The following DMRT1 variants were observed in gnomAD, a reference collection of about 807,000 sequenced individuals.
DMRT1 encodes the protein doublesex- and mab-3-related transcription factor 1.
A neutral mutation model predicts 32.3 loss-of-function variants in DMRT1; 7 were observed. The ratio of observed to expected loss-of-function variants is 0.22; its 90% CI spans 0.12 to 0.41. DMRT1 has a LOEUF of 0.41. Among genes scored for constraint, DMRT1 ranks in the 10% least tolerant of loss-of-function variants. DMRT1 has a pLI of 1.00. For synonymous variants in DMRT1, 278 were observed against 206.1 expected (o/e 1.35, Z -2.99); for missense variants, 625 against 500.5 (o/e 1.25, Z -2.37).
chr9:851,858 GT>G (rs1815152107), intron 2 of DMRT1, among the ~76,000 whole-genome samples: 1 of 151,958 alleles, frequency 6.6e-6, no homozygotes, highest in South Asian at 2.1e-4. Context: ...GGATATTACT[GT>G]GGAAAGAAAT....
chr9:853,513 C>T (rs1815254842), intron 2 of DMRT1, among the ~76,000 whole-genome samples: 1 of 147,842 alleles, frequency 6.8e-6, no homozygotes, highest in African/African-American at 2.5e-5. Context: ...GATCTTGTCT[C>T]CCAGGCTGGG....
At chr9:913,264 G>C (rs1055631767) in intron 3 of DMRT1, among the ~76,000 whole-genome samples, 2 of 152,166 alleles carry the variant, frequency 1.3e-5, no homozygotes, top group Non-Finnish European at 2.9e-5. Context: ...ACCTGAAGTA[G>C]ATGTGACAAA....
In DMRT1 at chr9:968,389, C is replaced by G; in HGVS notation, c.*250C>G. Reference sequence around the variant, plus strand: ...AATAGTGTTCATTTTTTTAATGACACTGGTTTCATGTAGTTTTCAAGAAAT... The same window carrying G: ...AATAGTGTTCATTTTTTTAATGACAGTGGTTTCATGTAGTTTTCAAGAAAT... On this transcript the variant is annotated 3_prime_UTR_variant, in exon 5 of 5. Coordinates refer to ENST00000382276, the MANE Select transcript of DMRT1 (RefSeq NM_021951.3). 3 of 468,020 alleles carry G rather than the reference C, an allele frequency of 6.4e-6. No homozygotes were observed. In the South Asian group the frequency reaches 7.2e-5, roughly 11 times the overall value. 29.0% of individuals were successfully genotyped at this position (468,020 alleles called of 1,614,324 possible). A position where few individuals can be genotyped will look rare whatever the true frequency, so the allele number is the denominator to read the frequency against.
chr9:931,746 T>C (rs1284277062), intron 4 of DMRT1, among the ~76,000 whole-genome samples: 1 of 152,212 alleles, frequency 6.6e-6, no homozygotes, highest in Non-Finnish European at 1.5e-5. Context: ...TTAGAGAGTA[T>C]GACCTCATTT....
intron 3 of DMRT1, among the ~76,000 whole-genome samples, chr9:905,348 C>T (rs1478123191): frequency 1.3e-5 from 2 of 152,166 alleles, no homozygotes; most frequent in Non-Finnish European, 2.9e-5. Flanking sequence ...CTTCTCACAA[C>T]ATTCTTTCTG....
intron 2 of DMRT1, among the ~76,000 whole-genome samples, chr9:852,162 C>G (rs1423661777): frequency 2.6e-5 from 4 of 152,006 alleles, no homozygotes; most frequent in East Asian, 1.9e-4. Context: ...GTCTTGAACT[C>G]TTGACCTCAA....
At chr9:879,052 C>T (rs906548063) in intron 2 of DMRT1, among the ~76,000 whole-genome samples, 1 of 152,142 alleles carries the variant, frequency 6.6e-6, no homozygotes, top group African/African-American at 2.4e-5. Context: ...CCAGAGCTGC[C>T]TGGTTAGGAC....
At chr9:914,955 A>C (rs535038042) in intron 3 of DMRT1, among the ~76,000 whole-genome samples, 3 of 152,332 alleles carry the variant, frequency 2.0e-5, no homozygotes, top group Admixed American at 2.0e-4. Context: ...TGTTCATAGA[A>C]AATCTTGAGG....
At chr9:927,659 G>T (rs920458001) in intron 4 of DMRT1, among the ~76,000 whole-genome samples, 1 of 152,174 alleles carries the variant, frequency 6.6e-6, no homozygotes, top group African/African-American at 2.4e-5. Flanking sequence ...TATACACGGG[G>T]TATACAATAG....
chr9:911,688 C>A (rs1817994229), intron 3 of DMRT1, among the ~76,000 whole-genome samples: 1 of 151,908 alleles, frequency 6.6e-6, no homozygotes, highest in Non-Finnish European at 1.5e-5. Flanking sequence ...GACGGAGATT[C>A]ACCATGTTGG....
intron 2 of DMRT1, among the ~76,000 whole-genome samples, chr9:880,202 C>T (rs1365941314): frequency 1.3e-5 from 2 of 152,084 alleles, no homozygotes; most frequent in Non-Finnish European, 2.9e-5. Flanking sequence ...TGTAGCTCTT[C>T]AACAGTTGCA....
chr9:891,429 C>T (rs1035813401), intron 2 of DMRT1, among the ~76,000 whole-genome samples: 3 of 147,828 alleles, frequency 2.0e-5, no homozygotes, highest in East Asian at 2.0e-4. Flanking sequence ...CCAGCCTGGG[C>T]GACAGAGTGA....
chr9:859,147 C>A (rs1815541134), intron 2 of DMRT1, among the ~76,000 whole-genome samples: 3 of 152,190 alleles, frequency 2.0e-5, no homozygotes, highest in African/African-American at 7.2e-5. Flanking sequence ...TACGATGATT[C>A]CTTTGATCTC....
At chr9:940,293 C>T (rs912986200) in intron 4 of DMRT1, among the ~76,000 whole-genome samples, 2 of 152,072 alleles carry the variant, frequency 1.3e-5, no homozygotes, top group Admixed American at 1.3e-4. Flanking sequence ...TTCACAGTAG[C>T]CAAAGGGTGG....
intron 2 of DMRT1, among the ~76,000 whole-genome samples, chr9:855,972 A>G (rs1272976494): frequency 6.6e-6 from 1 of 151,826 alleles, no homozygotes; most frequent in Non-Finnish European, 1.5e-5. Context: ...GCTGGAGTGC[A>G]ATGGCATGAT....
At chr9:862,369 C>T (rs879025306) in intron 2 of DMRT1, among the ~76,000 whole-genome samples, 3 of 151,978 alleles carry the variant, frequency 2.0e-5, no homozygotes, top group African/African-American at 7.2e-5. Flanking sequence ...GGTGTGGCGG[C>T]GCGCGCCTGC....
intron 2 of DMRT1, among the ~76,000 whole-genome samples, chr9:877,369 C>T (rs551527639): frequency 2.0e-5 from 3 of 152,188 alleles, no homozygotes; most frequent in South Asian, 2.1e-4. Context: ...CTGAAGGAGG[C>T]GATGGTAGAG....
At chr9:945,445 C>T (rs1024869822) in intron 4 of DMRT1, among the ~76,000 whole-genome samples, 6 of 152,158 alleles carry the variant, frequency 3.9e-5, no homozygotes, top group South Asian at 2.1e-4. Flanking sequence ...CATGAGCCAC[C>T]GTATCTGGCC....
intron 2 of DMRT1, among the ~76,000 whole-genome samples, chr9:855,826 C>T (rs1815375879): frequency 6.6e-6 from 1 of 152,138 alleles, no homozygotes; most frequent in African/African-American, 2.4e-5. Context: ...GCTGTGTTGC[C>T]TAGGCTGGTC....
Sources: gnomAD v4.1 joint callset for allele counts (sites outside exome capture counted in the v4.1 genomes callset) on GRCh38, gnomAD v4.1.1 for gene constraint, MANE v1.5 for transcripts, NCBI Gene and HGNC (gene_info 2026-07-23, HGNC 2026-07-21) for gene names.